The following SPRTN variants were observed in gnomAD, a reference collection of about 807,000 sequenced individuals.
SPRTN encodes the protein SprT-like N-terminal domain, also known as DNA-dependent metalloprotease SPRTN.
In SPRTN, 11 loss-of-function variants were observed where a neutral mutation model predicts 31.9. The observed-to-expected ratio is 0.34, with a 90% CI of 0.22 to 0.57. The LOEUF is 0.57. SPRTN is among the 20% of genes least tolerant of loss of function. The pLI is 0.86. For missense variants in SPRTN, 482 were observed against 590.1 expected, an observed-to-expected ratio of 0.82 and a Z score of 1.90; for synonymous variants, 185 against 212.1, an observed-to-expected ratio of 0.87 and a Z score of 1.11.
intron 2 of SPRTN, 170 bp downstream of exon 2, chr1:231,340,038 G>T: frequency 2.2e-6 from 1 of 457,748 alleles, no homozygotes; most frequent in Non-Finnish European, 3.8e-6. Flanking sequence ...TTTTTATAGT[G>T]CTTCATAGTA....
intron 4 of SPRTN, chr1:231,352,241 A>G: frequency 2.0e-6 from 2 of 1,006,030 alleles, no homozygotes; most frequent in Non-Finnish European, 2.4e-6. Context: ...ATATGGAAAG[A>G]CCGTATCTTC....
chr1:231,339,675 C>G (rs1686803663), intron 1 of SPRTN, 94 bp from the exon 2 acceptor site: 6 of 1,230,592 alleles, frequency 4.9e-6, no homozygotes, highest in Middle Eastern at 1.9e-4. Context: ...TGAAAGCCAT[C>G]TGCCAACTGA....
At chr1:231,344,340 C>T (rs1211221255) in intron 2 of SPRTN, among the ~76,000 whole-genome samples, 3 of 151,914 alleles carry the variant, frequency 2.0e-5, no homozygotes, top group Non-Finnish European at 4.4e-5. Context: ...CTTGTCTCTA[C>T]AAAAAATTGA....
chr1:231,346,735 G>A (rs1687074477), intron 2 of SPRTN, among the ~76,000 whole-genome samples: 1 of 152,124 alleles, frequency 6.6e-6, no homozygotes. Context: ...TTGAGGTCAG[G>A]AGTTTAAGAC....
intron 3 of SPRTN, among the ~76,000 whole-genome samples, chr1:231,350,414 A>T (rs956829129): frequency 1.3e-5 from 2 of 152,116 alleles, no homozygotes; most frequent in Admixed American, 6.5e-5. Context: ...GGTGCTCTAT[A>T]GTCTTCAGTG....
chr1:231,345,712 A>G (rs926607759), intron 2 of SPRTN, among the ~76,000 whole-genome samples: 2 of 152,238 alleles, frequency 1.3e-5, no homozygotes, highest in Non-Finnish European at 2.9e-5. Context: ...CACCAGCAGT[A>G]TATAGGAATG....
intron 3 of SPRTN, 58 bp downstream of exon 3, chr1:231,347,983 A>C (rs959040794): frequency 2.5e-5 from 39 of 1,565,426 alleles, no homozygotes; most frequent in Non-Finnish European, 3.3e-5. Context: ...ATAACTCCTG[A>C]GATTTAATTA....
chr1:231,342,739 A>ATTTTTTT (rs200493096), intron 2 of SPRTN, among the ~76,000 whole-genome samples: 2 of 130,624 alleles, frequency 1.5e-5, no homozygotes, highest in African/African-American at 2.9e-5. Flanking sequence ...GACTATATTT[A>ATTTTTTT]TTTATTTTTT....
In SPRTN at chr1:231,347,634, G is replaced by A. The variant is rs918745353; in HGVS notation, c.322-163G>A. ...CCACCTTTGCCTCCCAAAGTGTTGGGATTACAGGTGTGAGCCACTGCACCC... is the reference window on the plus strand; with the variant it reads ...CCACCTTTGCCTCCCAAAGTGTTGGAATTACAGGTGTGAGCCACTGCACCC... On this transcript the variant is annotated intron_variant, in intron 2 of 4. Coordinates refer to ENST00000295050, the MANE Select transcript of SPRTN (RefSeq NM_032018.7). 9 of 804,132 alleles carry A rather than the reference G, an allele frequency of 1.1e-5. 1 individual carries two copies. The highest frequency in any genetic ancestry group is 1.6e-5 in the Non-Finnish European group (9 of 548,586). The allele number at this position is 804,132 out of a possible 1,614,324, so 49.8% of individuals were successfully genotyped here. A position where few individuals can be genotyped will look rare whatever the true frequency, so the allele number is the denominator to read the frequency against.
chr1:231,342,776 C>A (rs1403958968), intron 2 of SPRTN, among the ~76,000 whole-genome samples: 1 of 150,632 alleles, frequency 6.6e-6, no homozygotes, highest in African/African-American at 2.5e-5. Flanking sequence ...CGCTCTGTTG[C>A]CCAGGCTGGA....
At position 231,354,968 on chromosome 1, in the gene SPRTN, A is replaced by G. The variant is rs1472073760; in HGVS notation, c.*1607A>G. The G allele has an allele frequency of 5.3e-6, 5 of 938,312 alleles. No individual in the cohort carries two copies. Among genetic ancestry groups the G allele is most frequent in the Non-Finnish European group, 6.4e-6 (5 of 787,106 alleles). The allele number at this position is 938,312 out of a possible 1,614,324, so 58.1% of individuals were successfully genotyped here. Reference sequence around the variant, plus strand: ...GTTTTAGACTGGTTGGCTGTTCACAAATTTTGATATTCCTTAAAGCATTAA... The same window carrying G: ...GTTTTAGACTGGTTGGCTGTTCACAGATTTTGATATTCCTTAAAGCATTAA... On this transcript the variant is annotated 3_prime_UTR_variant, in exon 5 of 5. Coordinates refer to ENST00000295050, the MANE Select transcript of SPRTN (RefSeq NM_032018.7).
chr1:231,352,401 A>T, intron 4 of SPRTN: 1 of 1,224,800 alleles, frequency 8.2e-7, no homozygotes, highest in Non-Finnish European at 1.0e-6. Flanking sequence ...ATATGAGAGA[A>T]TTTTTTTTTA....
At chr1:231,341,472 G>T (rs1386615411) in intron 2 of SPRTN, among the ~76,000 whole-genome samples, 1 of 151,998 alleles carries the variant, frequency 6.6e-6, no homozygotes, top group African/African-American at 2.4e-5. Context: ...TGCTCAAAAA[G>T]TTTTAGATTT....
rs1000706610 is a variant in SPRTN at position 231,354,261 on chromosome 1, TA to T, written c.*908del. 9 of 976,838 alleles carry T rather than the reference TA, an allele frequency of 9.2e-6. No homozygotes were observed. Among genetic ancestry groups the T allele is most frequent in the South Asian group, 9.5e-5 (2 of 21,116 alleles). The allele number at this position is 976,838 out of a possible 1,614,324, so 60.5% of individuals were successfully genotyped here. A position where few individuals can be genotyped will look rare whatever the true frequency, so the allele number is the denominator to read the frequency against. Reference sequence around the variant, plus strand: ...TTTGTGCATTTTAAGTAATCTTTTTTAAAAAAAATATTTTCCATGTTATAGG... The same window carrying T: ...TTTGTGCATTTTAAGTAATCTTTTTTAAAAAAATATTTTCCATGTTATAGG... On this transcript the variant is annotated 3_prime_UTR_variant, in exon 5 of 5. Transcript: ENST00000295050.
intron 2 of SPRTN, 83 bp downstream of exon 2, chr1:231,339,951 A>G: frequency 1.5e-6 from 2 of 1,329,536 alleles, no homozygotes; most frequent in African/African-American, 1.5e-5. Flanking sequence ...ATTCGCCTGT[A>G]TGTATCGTTA....
chr1:231,341,773 G>A (rs1425395472), intron 2 of SPRTN, among the ~76,000 whole-genome samples: 1 of 152,158 alleles, frequency 6.6e-6, no homozygotes, highest in Non-Finnish European at 1.5e-5. Context: ...GATCACTTGA[G>A]GCCAGGAGTT....
At chr1:231,347,697 G>A in intron 2 of SPRTN, 100 bp from the exon 3 acceptor site, 2 of 1,370,338 alleles carry the variant, frequency 1.5e-6, no homozygotes, top group Non-Finnish European at 2.0e-6. Flanking sequence ...AAGGAAGCCT[G>A]TGATACAGAA....
chr1:231,339,563 C>A, intron 1 of SPRTN: 1 of 744,364 alleles, frequency 1.3e-6, no homozygotes, highest in East Asian at 2.8e-5. Flanking sequence ...TCCTTCCTTG[C>A]CCGGCGGGGA....
chr1:231,342,830 G>A (rs1360391447), intron 2 of SPRTN, among the ~76,000 whole-genome samples: 9 of 151,900 alleles, frequency 5.9e-5, no homozygotes, highest in African/African-American at 1.7e-4. Context: ...CGCCTCCCGG[G>A]TTCAGGCCAT....
Sources: allele counts gnomAD v4.1 joint callset (sites outside exome capture counted in the v4.1 genomes callset), GRCh38; gene constraint gnomAD v4.1.1; transcripts MANE v1.5; gene names NCBI Gene and HGNC (gene_info 2026-07-23, HGNC 2026-07-21).